GRIK4: variants seen among roughly 807,000 people sequenced by gnomAD.
GRIK4 encodes the protein glutamate receptor ionotropic, kainate 4.
A neutral mutation model predicts 104.9 loss-of-function variants in GRIK4; 40 were observed. The ratio of observed to expected loss-of-function variants is 0.38; its 90% confidence interval spans 0.30 to 0.50. The LOEUF is 0.50. Ranked by LOEUF, GRIK4 falls within the 20% of genes least tolerant of loss-of-function variation. The pLI, the probability that GRIK4 is intolerant of heterozygous loss-of-function variation, is 0.93. For synonymous variants in GRIK4, 485 were observed against 524.9 expected (o/e 0.92, Z 1.04); for missense variants, 1,047 against 1,308.1 (o/e 0.80, Z 3.08).
At chr11:120,680,638 T>C (rs886078070) in intron 3 of GRIK4, among the ~76,000 whole-genome samples, 9 of 152,166 alleles carry the variant, frequency 5.9e-5, no homozygotes, top group African/African-American at 2.2e-4. Context: ...GTGGAAAAGG[T>C]GTTTGTTTCA....
intron 7 of GRIK4, among the ~76,000 whole-genome samples, chr11:120,834,434 A>T (rs1156334669): frequency 6.6e-6 from 1 of 152,188 alleles, no homozygotes; most frequent in Non-Finnish European, 1.5e-5. Flanking sequence ...AGCCACACTG[A>T]TCAATGAGCA....
chr11:120,750,589 A>G (rs1166138423), intron 3 of GRIK4, among the ~76,000 whole-genome samples: 1 of 151,954 alleles, frequency 6.6e-6, no homozygotes, highest in Non-Finnish European at 1.5e-5. Flanking sequence ...GGCTGGTCTC[A>G]AACTCCTGAC....
intron 1 of GRIK4, among the ~76,000 whole-genome samples, chr11:120,621,590 T>G (rs545124714): frequency 6.6e-6 from 1 of 152,280 alleles, no homozygotes; most frequent in South Asian, 2.1e-4. Context: ...CAGGGGCTTA[T>G]GAAAGACTAT....
chr11:120,807,639 C>A (rs958135531), intron 4 of GRIK4, among the ~76,000 whole-genome samples: 2 of 151,756 alleles, frequency 1.3e-5, no homozygotes, highest in African/African-American at 4.9e-5. Context: ...TCAACAGAGT[C>A]AGTTGAAGTT....
At chr11:120,971,420 G>A (rs1236226732) in intron 19 of GRIK4, among the ~76,000 whole-genome samples, 2 of 152,218 alleles carry the variant, frequency 1.3e-5, no homozygotes, top group African/African-American at 4.8e-5. Flanking sequence ...TGACTTTGGA[G>A]GAGGAAAAGT....
At chr11:120,580,976 A>G (rs903907674) in intron 1 of GRIK4, among the ~76,000 whole-genome samples, 8 of 152,138 alleles carry the variant, frequency 5.3e-5, no homozygotes, top group Non-Finnish European at 1.2e-4. Flanking sequence ...TATGAGGCGT[A>G]TGGTTGTATC....
chr11:120,853,383 G>A (rs1954019999), intron 8 of GRIK4, among the ~76,000 whole-genome samples: 1 of 152,220 alleles, frequency 6.6e-6, no homozygotes, highest in Non-Finnish European at 1.5e-5. Flanking sequence ...GGAACTTGGA[G>A]AAGTGCAAGA....
chr11:120,807,206 G>A (rs957137818), intron 4 of GRIK4, among the ~76,000 whole-genome samples: 3 of 152,096 alleles, frequency 2.0e-5, no homozygotes, highest in Non-Finnish European at 2.9e-5. Context: ...TCTTCTGCAG[G>A]GAGCTACCAC....
At chr11:120,598,400 CT>C (rs1292183406) in intron 1 of GRIK4, among the ~76,000 whole-genome samples, 1 of 152,192 alleles carries the variant, frequency 6.6e-6, no homozygotes, top group Non-Finnish European at 1.5e-5. Flanking sequence ...AGTTTGTGGT[CT>C]TTCTCCATCG....
chr11:120,520,376 A>G (rs972549507), intron 1 of GRIK4, among the ~76,000 whole-genome samples: 2 of 152,148 alleles, frequency 1.3e-5, no homozygotes, highest in African/African-American at 4.8e-5. Flanking sequence ...GATTTCTTCG[A>G]TCCCTGAGTG....
chr11:120,881,206 G>A (rs1592030988), intron 11 of GRIK4, among the ~76,000 whole-genome samples: 1 of 152,126 alleles, frequency 6.6e-6, no homozygotes, highest in Admixed American at 6.5e-5. Flanking sequence ...CAAACTGAAC[G>A]CCAAATTTCT....
chr11:120,556,424 T>C (rs866865618), intron 1 of GRIK4, among the ~76,000 whole-genome samples: 12 of 152,202 alleles, frequency 7.9e-5, no homozygotes, highest in African/African-American at 2.4e-4. Context: ...TTTTAAAATG[T>C]AAGTCAGATC....
intron 1 of GRIK4, among the ~76,000 whole-genome samples, chr11:120,593,634 T>C (rs979659361): frequency 6.6e-6 from 1 of 152,172 alleles, no homozygotes; most frequent in African/African-American, 2.4e-5. Flanking sequence ...AACTCACCTA[T>C]TGCCACACTT....
intron 3 of GRIK4, among the ~76,000 whole-genome samples, chr11:120,745,482 C>T (rs183121522): frequency 4.6e-5 from 7 of 152,310 alleles, no homozygotes; most frequent in Middle Eastern, 3.4e-3. Context: ...AATGTACTAT[C>T]ATTGAACTAA....
chr11:120,722,682 G>A lies in GRIK4; in HGVS notation c.82+62282G>A, dbSNP rs562245194. On this transcript the variant is annotated intron_variant, in intron 3 of 20. Coordinates refer to ENST00000527524, the MANE Select transcript of GRIK4 (RefSeq NM_014619.5). ...GATGCAGTCTGGAAGGCTGACTCCC[G>A]ACTTGGGCTCTTCTGAAAGGGACTG... Among the ~76,000 whole-genome samples, 61 of 152,074 alleles carry A rather than the reference G, an allele frequency of 4.0e-4. 1 individual carries two copies. In the Middle Eastern group the frequency reaches 0.014, roughly 34 times the overall value.
rs1411243079 is a variant in GRIK4 at position 120,836,787 on chromosome 11, G to A, written c.691-4G>A. 1.9e-6 allele frequency: 3 copies of A among 1,600,496 alleles called. No individual in the cohort carries two copies. The highest frequency in any genetic ancestry group is 3.3e-5 in the Admixed American group (2 of 59,994). On this transcript the variant is annotated splice_polypyrimidine_tract_variant and splice_region_variant and intron_variant, in intron 7 of 20. Coordinates refer to ENST00000527524, the MANE Select transcript of GRIK4 (RefSeq NM_014619.5). ...TCTCTAATCTCCTTCTCTTCGCCTT[G>A]CAGGCAGCCGAACTTGGGATGGTGT...
At chr11:120,635,776 A>G (rs527364617) in intron 1 of GRIK4, among the ~76,000 whole-genome samples, 9 of 152,354 alleles carry the variant, frequency 5.9e-5, no homozygotes, top group African/African-American at 2.2e-4. Flanking sequence ...TGTCTTAAAA[A>G]TTATTTTAGT....
chr11:120,667,760 T>A (rs185212773), intron 3 of GRIK4, among the ~76,000 whole-genome samples: 5 of 152,240 alleles, frequency 3.3e-5, no homozygotes, highest in South Asian at 2.1e-4. Context: ...ATGAGGGGTG[T>A]TGTGGAGAGG....
At chr11:120,784,738 C>T (rs1429567189) in intron 3 of GRIK4, among the ~76,000 whole-genome samples, 1 of 152,064 alleles carries the variant, frequency 6.6e-6, no homozygotes, top group Admixed American at 6.5e-5. Flanking sequence ...AGCTGCCCCG[C>T]TGAGCTTGAG....
Sources: allele counts gnomAD v4.1 joint callset (sites outside exome capture counted in the v4.1 genomes callset), GRCh38; gene constraint gnomAD v4.1.1; transcripts MANE v1.5; gene names NCBI Gene and HGNC (gene_info 2026-07-23, HGNC 2026-07-21).